Variants in TSNARE1 observed in about 807,000 individuals in gnomAD.
The protein encoded by TSNARE1 is t-SNARE domain containing 1.
Under a neutral mutation model 62.0 loss-of-function variants are expected in TSNARE1, and 49 were observed. The observed-to-expected ratio is 0.79, with a 90% CI of 0.63 to 1.00. The LOEUF is 1.00. Ranked by LOEUF, TSNARE1 falls within the 50% of genes least tolerant of loss-of-function variation. The pLI is 0.00. For missense variants in TSNARE1, 755 were observed against 700.1 expected (o/e 1.08, Z -0.88); for synonymous variants, 328 against 294.4 (o/e 1.11, Z -1.17).
At chr8:142,372,727 A>G (rs776775195) in intron 1 of TSNARE1, among the ~76,000 whole-genome samples, 2 of 152,104 alleles carry the variant, frequency 1.3e-5, no homozygotes, top group Non-Finnish European at 2.9e-5. Context: ...CCTCCTCCTG[A>G]GAAGGCCACC....
chr8:142,332,959 C>T (rs56310186), intron 4 of TSNARE1, among the ~76,000 whole-genome samples: 18 of 152,330 alleles, frequency 1.2e-4, no homozygotes, highest in South Asian at 4.1e-4. Flanking sequence ...GACAGCCACA[C>T]GGGGCCTGTG....
At chr8:142,350,718 C>CT (rs1833987139) in intron 2 of TSNARE1, among the ~76,000 whole-genome samples, 21 of 152,300 alleles carry the variant, frequency 1.4e-4, no homozygotes, top group Admixed American at 1.2e-3. Flanking sequence ...ATTCCACAGA[C>CT]AAATAATTAC....
chr8:142,372,701 G>A (rs1048441394), intron 1 of TSNARE1, among the ~76,000 whole-genome samples: 2 of 152,146 alleles, frequency 1.3e-5, no homozygotes, highest in African/African-American at 2.4e-5. Context: ...AGAAGGACCC[G>A]GAACATCCCC....
chr8:142,331,663 G>A (rs1051856274), intron 5 of TSNARE1, 91 bp downstream of exon 5: 130 of 1,278,502 alleles, frequency 1.0e-4, no homozygotes, highest in Non-Finnish European at 1.3e-4. Context: ...GCCTGAGGGG[G>A]GAAGCCATCC....
At chr8:142,351,925 G>A (rs1208699987) in intron 2 of TSNARE1, among the ~76,000 whole-genome samples, 2 of 152,140 alleles carry the variant, frequency 1.3e-5, no homozygotes, top group African/African-American at 4.8e-5. Context: ...AAAAATCAAA[G>A]GTCAATTACA....
chr8:142,324,713 G>C (rs1389708267), intron 6 of TSNARE1, among the ~76,000 whole-genome samples: 2 of 152,214 alleles, frequency 1.3e-5, no homozygotes, highest in African/African-American at 2.4e-5. Flanking sequence ...AGTGGGCAGA[G>C]GTAGGGTCAG....
chr8:142,315,185 C>G, intron 7 of TSNARE1, 93 bp from the exon 8 acceptor site: 2 of 1,262,724 alleles, frequency 1.6e-6, no homozygotes, highest in African/African-American at 2.9e-5. Flanking sequence ...CGATGTCCCA[C>G]CTTCCCACAC....
intron 1 of TSNARE1, among the ~76,000 whole-genome samples, chr8:142,396,179 G>A (rs1247258706): frequency 6.6e-6 from 1 of 151,944 alleles, no homozygotes; most frequent in Non-Finnish European, 1.5e-5. Flanking sequence ...ATTGGTACAG[G>A]TTCAGTGTGC....
intron 11 of TSNARE1, 75 bp downstream of exon 11, chr8:142,284,338 G>A: frequency 1.6e-6 from 2 of 1,243,190 alleles, no homozygotes; most frequent in Non-Finnish European, 2.4e-6. Flanking sequence ...ACCCTTAGGT[G>A]AAGGGGTGAG....
chr8:142,277,899 A>G (rs1820764941), intron 11 of TSNARE1: 3 of 985,244 alleles, frequency 3.0e-6, no homozygotes, highest in Admixed American at 6.2e-5. Flanking sequence ...CACCCCTGCC[A>G]GGCCCCTCCT....
At chr8:142,364,237 C>T (rs1014610391) in intron 1 of TSNARE1, among the ~76,000 whole-genome samples, 1 of 152,132 alleles carries the variant, frequency 6.6e-6, no homozygotes, top group Admixed American at 6.5e-5. Flanking sequence ...CCATGAGCTA[C>T]GGAGGAAGAG....
intron 6 of TSNARE1, among the ~76,000 whole-genome samples, chr8:142,323,266 TG>T (rs1238823713): frequency 6.6e-6 from 1 of 152,220 alleles, no homozygotes; most frequent in African/African-American, 2.4e-5. Flanking sequence ...GATTCTAAAA[TG>T]TATACTGAGC....
chr8:142,345,774 G>A lies in TSNARE1; in HGVS notation c.207C>T (p.Gly69=). 1 of 1,613,204 alleles carries A rather than the reference G, an allele frequency of 6.2e-7. No individual in the cohort carries two copies. Among genetic ancestry groups the A allele is most frequent in the South Asian group, 1.1e-5 (1 of 90,972 alleles). Residue 69 remains glycine (G), a synonymous_variant, in exon 3 of 14, where the codon GGC becomes GGT. Transcript: ENST00000524325. The stretch of plus-strand genomic sequence containing the variant: ...TCCTGGCCCTTGGGACAATAGGCGT[G>A]CCTGCTGGCCCCAGATCACCTTCCC... ...KDGEGDLGPA[G]TPIVPRARKR...
intron 6 of TSNARE1, among the ~76,000 whole-genome samples, chr8:142,321,001 T>C (rs1045533931): frequency 2.0e-5 from 3 of 152,176 alleles, no homozygotes; most frequent in Non-Finnish European, 2.9e-5. Flanking sequence ...TCACAAACTG[T>C]TAGCACCATG....
chr8:142,254,445 A>G (rs559440373), intron 12 of TSNARE1, among the ~76,000 whole-genome samples: 2 of 152,280 alleles, frequency 1.3e-5, no homozygotes, highest in South Asian at 4.1e-4. Context: ...ATGGACAGAA[A>G]TGCTTCCTGA....
chr8:142,304,482 C>T (rs1004502403), intron 9 of TSNARE1, among the ~76,000 whole-genome samples: 6 of 152,226 alleles, frequency 3.9e-5, no homozygotes, highest in African/African-American at 1.2e-4. Context: ...TCCACCCACA[C>T]GGTCTGACCC....
chr8:142,294,321 A>G (rs1234501702), intron 10 of TSNARE1, among the ~76,000 whole-genome samples: 7 of 152,168 alleles, frequency 4.6e-5, no homozygotes, highest in Admixed American at 4.6e-4. Context: ...GCAAGGGCCC[A>G]AACACCAGGC....
chr8:142,343,838 A>AGGGG, intron 4 of TSNARE1, 128 bp downstream of exon 4: 1 of 470,396 alleles, frequency 2.1e-6, no homozygotes, highest in South Asian at 6.9e-5. Context: ...GGAGAGGGGA[A>AGGGG]GGGGAGGAAG....
intron 6 of TSNARE1, among the ~76,000 whole-genome samples, chr8:142,322,421 G>A (rs1039971377): frequency 6.6e-6 from 1 of 152,172 alleles, no homozygotes. Context: ...GTTTACCTAG[G>A]AATAAGGGGG....
Sources: gnomAD v4.1 joint callset for allele counts (sites outside exome capture counted in the v4.1 genomes callset) on GRCh38, gnomAD v4.1.1 for gene constraint, MANE v1.5 for transcripts, NCBI Gene and HGNC (gene_info 2026-07-23, HGNC 2026-07-21) for gene names.